Variants in FOXN3 observed in about 807,000 individuals in gnomAD.
FOXN3 encodes forkhead box protein N3.
Under a neutral mutation model 38.4 loss-of-function variants are expected in FOXN3, and 7 were observed. The observed-to-expected ratio is 0.18, with a 90% CI of 0.10 to 0.34. FOXN3 has a LOEUF of 0.34. Ranked by LOEUF, FOXN3 falls within the 10% of genes least tolerant of loss-of-function variation. FOXN3 has a pLI of 1.00. For synonymous variants in FOXN3, 230 were observed against 242.2 expected (o/e 0.95, Z 0.47); for missense variants, 456 against 613.4 (o/e 0.74, Z 2.71).
intron 4 of FOXN3, among the ~76,000 whole-genome samples, chr14:89,261,063 C>G (rs1240209174): frequency 1.3e-5 from 2 of 152,234 alleles, no homozygotes; most frequent in Admixed American, 6.5e-5. Context: ...TTGGGTTGGG[C>G]TGACCCTGGA....
chr14:89,391,215 C>T (rs977074739), intron 2 of FOXN3, among the ~76,000 whole-genome samples: 11 of 152,162 alleles, frequency 7.2e-5, no homozygotes, highest in African/African-American at 2.7e-4. Flanking sequence ...GAATCCTCCT[C>T]CTCGAAAAAC....
intron 2 of FOXN3, among the ~76,000 whole-genome samples, chr14:89,401,869 T>C (rs766892277): frequency 4.6e-5 from 7 of 152,128 alleles, no homozygotes; most frequent in African/African-American, 9.7e-5. Context: ...CCACACACCC[T>C]GTGAAGACCA....
At chr14:89,317,186 C>T (rs1887744212) in intron 3 of FOXN3, among the ~76,000 whole-genome samples, 1 of 152,130 alleles carries the variant, frequency 6.6e-6, no homozygotes, top group African/African-American at 2.4e-5. Flanking sequence ...CTTTATAAAG[C>T]CTGGCCTCTG....
In FOXN3 at chr14:89,587,255, C is replaced by T. The variant is rs921128157; in HGVS notation, c.-15+31773G>A. On this transcript the variant is annotated intron_variant, in intron 1 of 6. Transcript: ENST00000345097. ...ATGGGGGGTAATCCGCTTTATTCAA[C>T]GACTGCCAATTTAAATGTTAATCTC... Among the ~76,000 whole-genome samples the T allele has an allele frequency of 3.3e-5, 5 of 152,360 alleles. No individual in the cohort carries two copies. The Middle Eastern group carries it at 0.01, about 311-fold the overall frequency.
chr14:89,386,976 G>T (rs968890089), intron 2 of FOXN3, among the ~76,000 whole-genome samples: 2 of 152,238 alleles, frequency 1.3e-5, no homozygotes, highest in Non-Finnish European at 1.5e-5. Flanking sequence ...ATTGGGGGGT[G>T]CCAGGCATGG....
chr14:89,542,029 C>T (rs940470375), intron 1 of FOXN3, among the ~76,000 whole-genome samples: 2 of 151,848 alleles, frequency 1.3e-5, no homozygotes, highest in Non-Finnish European at 2.9e-5. Flanking sequence ...AGGGCGAGTC[C>T]GAAGTGCAAA....
intron 1 of FOXN3, among the ~76,000 whole-genome samples, chr14:89,471,992 A>G (rs914592396): frequency 6.6e-6 from 1 of 152,190 alleles, no homozygotes; most frequent in African/African-American, 2.4e-5. Context: ...GTGGTGGCTC[A>G]CGCCTGTAAT....
chr14:89,543,048 TCTTTGA>T (rs1308137355), intron 1 of FOXN3, among the ~76,000 whole-genome samples: 2 of 90,440 alleles, frequency 2.2e-5, no homozygotes, highest in African/African-American at 8.0e-5. Context: ...GAAAAGACAC[TCTTTGA>T]CTGAAGTGTA....
At chr14:89,268,288 T>G (rs1220974484) in intron 4 of FOXN3, among the ~76,000 whole-genome samples, 1 of 152,166 alleles carries the variant, frequency 6.6e-6, no homozygotes, top group Non-Finnish European at 1.5e-5. Flanking sequence ...GATCCTACTT[T>G]CTTTAAATCA....
At chr14:89,553,369 A>G (rs1895048878) in intron 1 of FOXN3, among the ~76,000 whole-genome samples, 1 of 152,002 alleles carries the variant, frequency 6.6e-6, no homozygotes, top group Admixed American at 6.6e-5. Flanking sequence ...CTGGTAGGGA[A>G]AGACTATAAA....
chr14:89,404,964 T>C (rs988107334), intron 2 of FOXN3, among the ~76,000 whole-genome samples: 2 of 152,160 alleles, frequency 1.3e-5, no homozygotes, highest in Non-Finnish European at 2.9e-5. Context: ...ATAATAATAA[T>C]AAGTCATCTC....
chr14:89,454,415 CAGTAAGAAA>C (rs1340204252), intron 1 of FOXN3, among the ~76,000 whole-genome samples: 2 of 152,118 alleles, frequency 1.3e-5, no homozygotes, highest in Admixed American at 6.5e-5. Context: ...GCTTCCAGAA[CAGTAAGAAA>C]AAAATGTTTA....
intron 1 of FOXN3, chr14:89,577,435 G>A (rs1242589579): frequency 6.6e-6 from 1 of 152,136 alleles, no homozygotes; most frequent in East Asian, 1.9e-4. Flanking sequence ...AGACGAATCA[G>A]GAAGGTCCTA....
chr14:89,471,920 G>A (rs1596287916), intron 1 of FOXN3, among the ~76,000 whole-genome samples: 1 of 152,180 alleles, frequency 6.6e-6, no homozygotes, highest in African/African-American at 2.4e-5. Context: ...ACTTGGAACA[G>A]AGTCCTCATC....
At chr14:89,586,159 G>C (rs537955295) in intron 1 of FOXN3, among the ~76,000 whole-genome samples, 1 of 152,098 alleles carries the variant, frequency 6.6e-6, no homozygotes, top group East Asian at 1.9e-4. Context: ...CCAATGCCTG[G>C]CCTGGCATAC....
intron 4 of FOXN3, among the ~76,000 whole-genome samples, chr14:89,188,341 C>T (rs1887861609): frequency 6.6e-6 from 1 of 152,164 alleles, no homozygotes; most frequent in Non-Finnish European, 1.5e-5. Flanking sequence ...TTTTCCTTTC[C>T]TACCTATGCT....
At chr14:89,265,060 G>A (rs1403449056) in intron 4 of FOXN3, among the ~76,000 whole-genome samples, 1 of 152,088 alleles carries the variant, frequency 6.6e-6, no homozygotes, top group Non-Finnish European at 1.5e-5. Flanking sequence ...AATTCCCTGT[G>A]TTCAAACTGT....
chr14:89,213,526 ACT>A (rs1287312029), intron 4 of FOXN3, among the ~76,000 whole-genome samples: 1 of 152,128 alleles, frequency 6.6e-6, no homozygotes, highest in Admixed American at 6.5e-5. Flanking sequence ...ACATATAGCT[ACT>A]GTTTCAAAAC....
intron 1 of FOXN3, among the ~76,000 whole-genome samples, chr14:89,500,968 G>A (rs1459086857): frequency 1.3e-5 from 2 of 152,210 alleles, no homozygotes; most frequent in Non-Finnish European, 2.9e-5. Flanking sequence ...CTCCTGTTGA[G>A]GATTGAGTAG....
Sources: gnomAD v4.1 joint callset for allele counts (sites outside exome capture counted in the v4.1 genomes callset) on GRCh38, gnomAD v4.1.1 for gene constraint, MANE v1.5 for transcripts, NCBI Gene and HGNC (gene_info 2026-07-23, HGNC 2026-07-21) for gene names.